MED13L: variants seen among roughly 807,000 people sequenced by gnomAD.
The protein encoded by MED13L is mediator of RNA polymerase II transcription subunit 13-like.
Under a neutral mutation model 220.9 loss-of-function variants are expected in MED13L, and 7 were observed. The ratio of observed to expected loss-of-function variants is 0.03; its 90% CI spans 0.02 to 0.06. The LOEUF (loss-of-function observed/expected upper bound fraction) is 0.06, where lower values mean the gene tolerates loss of function less well. Ranked by LOEUF, MED13L falls within the 10% of genes least tolerant of loss-of-function variation. The pLI is 1.00. For synonymous variants in MED13L, 1,011 were observed against 1,015.2 expected, an observed-to-expected ratio of 1.00 and a Z score of 0.08; for missense variants, 1,965 against 2,760.5, an observed-to-expected ratio of 0.71 and a Z score of 6.46.
intron 2 of MED13L, among the ~76,000 whole-genome samples, chr12:116,165,422 C>T (rs1879186340): frequency 6.6e-6 from 1 of 151,896 alleles, no homozygotes; most frequent in Non-Finnish European, 1.5e-5. Flanking sequence ...CCTCTGCCTC[C>T]CGAGTTCACG....
intron 2 of MED13L, among the ~76,000 whole-genome samples, chr12:116,166,508 C>T (rs1341589304): frequency 2.0e-5 from 3 of 151,834 alleles, no homozygotes; most frequent in Non-Finnish European, 2.9e-5. Flanking sequence ...CACTTGAGCC[C>T]GGGACGCTGA....
In MED13L at chr12:115,975,195, G is replaced by A; in HGVS notation, c.5707C>T (p.Arg1903Cys). Reference protein sequence around the residue: ...PWRVVIGRLGRLGHGELKDWS... With the variant: ...PWRVVIGRLGCLGHGELKDWS... Reference sequence around the variant, plus strand: ...CCTTTAAGCTCCCCATGGCCAAGACGCCCAAGTCGCCCGATTACAACTCTC... The same window carrying A: ...CCTTTAAGCTCCCCATGGCCAAGACACCCAAGTCGCCCGATTACAACTCTC... Residue 1903 changes from arginine (R) to cysteine (C), a missense_variant, in exon 25 of 31, where the codon CGT becomes TGT. Arg to Cys is a radical substitution (Grantham distance 180). Coordinates refer to ENST00000281928, the MANE Select transcript of MED13L (RefSeq NM_015335.5). 6.2e-7 allele frequency: 1 copy of A among 1,613,954 alleles called. No homozygotes were observed. Among genetic ancestry groups the A allele is most frequent in the Non-Finnish European group, 8.5e-7 (1 of 1,179,988 alleles).
At chr12:116,177,750 A>G (rs1880175808) in intron 2 of MED13L, among the ~76,000 whole-genome samples, 1 of 152,230 alleles carries the variant, frequency 6.6e-6, no homozygotes, top group South Asian at 2.1e-4. Flanking sequence ...GTAACACATT[A>G]AAAGAGTTCA....
chr12:115,981,137 AT>A (rs1447964165), intron 22 of MED13L, among the ~76,000 whole-genome samples, 199 bp from the exon 23 acceptor site: 2 of 152,142 alleles, frequency 1.3e-5, no homozygotes, highest in African/African-American at 4.8e-5. Context: ...AAAATTCTCT[AT>A]CACCAGCAAT....
chr12:116,144,141 A>G (rs537703283), intron 2 of MED13L, among the ~76,000 whole-genome samples: 7 of 152,302 alleles, frequency 4.6e-5, no homozygotes, highest in African/African-American at 1.4e-4. Flanking sequence ...CTGCCCCAAC[A>G]GCTTAACTCA....
In MED13L at chr12:116,103,999, C is replaced by CTTTTTTTTTTTT. The variant is rs36066243; in HGVS notation, c.396-7259_396-7248dup. ...CACCACCACATCCAAGGACATTGCT[C>CTTTTTTTTTTTT]TTTTTTTTTTTTTTTTTTTTTTTTT... On this transcript the variant is annotated intron_variant, in intron 3 of 30. Transcript: ENST00000281928. Among the ~76,000 whole-genome samples the CTTTTTTTTTTTT allele has an allele frequency of 2.4e-3, 139 of 57,466 alleles. 16 individuals carry two copies. Among genetic ancestry groups the CTTTTTTTTTTTT allele is most frequent in the Non-Finnish European group, 2.8e-3 (94 of 33,476 alleles). The allele number at this position is 57,466 out of a possible 152,430, so 37.7% of individuals were successfully genotyped here. A position where few individuals can be genotyped will look rare whatever the true frequency, so the allele number is the denominator to read the frequency against.
chr12:115,975,469 G>A lies in MED13L; in HGVS notation c.5588+46C>T, dbSNP rs773907784. The A allele has an allele frequency of 3.5e-5, 56 of 1,597,976 alleles. 1 individual carries two copies. The highest frequency in any genetic ancestry group is 5.5e-5 in the South Asian group (5 of 90,366). On this transcript the variant is annotated intron_variant, in intron 24 of 30. Coordinates refer to ENST00000281928, the MANE Select transcript of MED13L (RefSeq NM_015335.5). ...CTGGAAATATTCATATTTGAGGAAC[G>A]GTACAGCATTAATTTACATGCACCA... is the stretch of plus-strand genomic sequence containing the variant.
chr12:116,005,945 G>A lies in MED13L; in HGVS notation c.2393C>T (p.Thr798Ile), dbSNP rs1257888486. 1 of 1,613,900 alleles carries A rather than the reference G, an allele frequency of 6.2e-7. No homozygotes were observed. The highest frequency in any genetic ancestry group is 8.5e-7 in the Non-Finnish European group (1 of 1,179,854). ...GGAAGGTGCCAAATCTGTTACCTGT[G>A]TAAGGCTACTGGAGCCAGCTCTGCC... ...AAGRAGSSSL[T>I]QVTDLAPSLH... The change falls in exon 13 of 31, where the codon ACA (threonine) becomes ATA (isoleucine). Residue 798 changes from threonine to isoleucine, a missense_variant. By Grantham distance (89) the Thr-to-Ile change is moderately conservative. This residue lies in a region of MED13L where 818 missense variants were observed against 1,041.2 expected (regional missense o/e 0.79). Coordinates refer to ENST00000281928, the MANE Select transcript of MED13L (RefSeq NM_015335.5).
At chr12:115,984,755 A>C (rs913381269) in intron 19 of MED13L, among the ~76,000 whole-genome samples, 3 of 152,192 alleles carry the variant, frequency 2.0e-5, no homozygotes, top group African/African-American at 7.2e-5. Flanking sequence ...ATCCCTACTC[A>C]TAATATTTTC....
At chr12:116,018,194 A>C (rs1420840315) in intron 7 of MED13L, among the ~76,000 whole-genome samples, 2 of 152,216 alleles carry the variant, frequency 1.3e-5, no homozygotes, top group Non-Finnish European at 2.9e-5. Context: ...CAAGATTCAG[A>C]AAAACTACGA....
intron 9 of MED13L, among the ~76,000 whole-genome samples, chr12:116,009,869 G>C (rs1439931426): frequency 6.6e-6 from 1 of 152,126 alleles, no homozygotes; most frequent in Non-Finnish European, 1.5e-5. Context: ...GGCTCAGTAA[G>C]AGCCCACTAC....
chr12:116,136,442 A>G (rs1463689255), intron 2 of MED13L, among the ~76,000 whole-genome samples: 2 of 152,102 alleles, frequency 1.3e-5, no homozygotes, highest in African/African-American at 4.8e-5. Flanking sequence ...ATAAGTGTGT[A>G]TGTGTGTGTG....
At chr12:116,061,389 C>T (rs1294042909) in intron 4 of MED13L, among the ~76,000 whole-genome samples, 1 of 152,118 alleles carries the variant, frequency 6.6e-6, no homozygotes, top group East Asian at 1.9e-4. Context: ...AAGGCAATGT[C>T]AGAGGGTTAT....
intron 2 of MED13L, among the ~76,000 whole-genome samples, chr12:116,129,832 C>A (rs1034312163): frequency 6.6e-6 from 1 of 151,032 alleles, no homozygotes; most frequent in Non-Finnish European, 1.5e-5. Flanking sequence ...TCACTTGAAA[C>A]AGGGAGGTGG....
At chr12:116,100,598 CAAAA>C (rs760855189) in intron 3 of MED13L, among the ~76,000 whole-genome samples, 4 of 68,012 alleles carry the variant, frequency 5.9e-5, no homozygotes, top group African/African-American at 1.7e-4. Flanking sequence ...GACTCCGTCT[CAAAA>C]AAAAAAAAAA....
intron 3 of MED13L, among the ~76,000 whole-genome samples, chr12:116,104,795 A>G (rs1873407000): frequency 6.6e-6 from 1 of 152,232 alleles, no homozygotes; most frequent in Non-Finnish European, 1.5e-5. Context: ...TAAAAAGTTA[A>G]GAAAATTTAA....
chr12:116,165,541 G>A (rs553611192), intron 2 of MED13L, among the ~76,000 whole-genome samples: 27 of 151,636 alleles, frequency 1.8e-4, no homozygotes, highest in Non-Finnish European at 3.1e-4. Flanking sequence ...TGTGTTAGCC[G>A]AATGGTCTCT....
intron 2 of MED13L, among the ~76,000 whole-genome samples, chr12:116,163,267 TTA>T (rs1309199171): frequency 2.6e-5 from 4 of 152,134 alleles, no homozygotes; most frequent in African/African-American, 4.8e-5. Context: ...ACTATCATCC[TTA>T]TTAGTTAAAA....
At chr12:116,126,987 G>C (rs1875641353) in intron 2 of MED13L, among the ~76,000 whole-genome samples, 1 of 152,000 alleles carries the variant, frequency 6.6e-6, no homozygotes, top group Admixed American at 6.6e-5. Flanking sequence ...ATTTTTCATA[G>C]GTTAAAAAAT....
Sources: gnomAD v4.1 joint callset for allele counts (sites outside exome capture counted in the v4.1 genomes callset) on GRCh38, gnomAD v4.1.1 for gene constraint, gnomAD v4.1.1 regional missense constraint, MANE v1.5 for transcripts, NCBI Gene and HGNC (gene_info 2026-07-23, HGNC 2026-07-21) for gene names.